PHF19: variants seen among roughly 807,000 people sequenced by gnomAD.
PHF19 encodes polycomb like 3.
PHF19 carries 21 observed loss-of-function variants against 79.8 expected under a neutral mutation model. The ratio of observed to expected loss-of-function variants is 0.26; its 90% CI spans 0.19 to 0.38. The LOEUF is 0.38. PHF19 is among the 10% of genes least tolerant of loss of function. The pLI is 1.00. For missense variants in PHF19, 445 were observed against 744.2 expected (o/e 0.60, Z 4.68); for synonymous variants, 273 against 296.3 (o/e 0.92, Z 0.81).
rs1450456582 is a variant in PHF19 at position 120,869,754 on chromosome 9, G to C, written c.465+91C>G. On this transcript the variant is annotated intron_variant, in intron 5 of 14. Coordinates refer to ENST00000373896, the MANE Select transcript of PHF19 (RefSeq NM_015651.3). This position sits in a 1 kb window ranked among gnomAD's most constrained non-coding sequence, Gnocchi z 5.8. ...TCCAAAGCCCAGGTGTGGCCCTTCT[G>C]CTTGGAGCTCAGACTCTGTGATGGG... 7 of 1,590,794 alleles carry C rather than the reference G, an allele frequency of 4.4e-6. No homozygotes were observed. The highest frequency in any genetic ancestry group is 6.0e-6 in the Non-Finnish European group (7 of 1,168,660).
rs1407355523 is a variant in PHF19, at chr9:120,891,135, C to A, written c.42+3653G>T. The stretch of plus-strand genomic sequence containing the variant: ...CCTGCAGGGGTGGGGAGAGATTGAG[C>A]CCCCAGGGCTGGGTTAGGTATCCCT... On this transcript the variant is annotated intron_variant, in intron 1 of 14. Transcript: ENST00000616568. This position sits in a 1 kb window ranked among gnomAD's most constrained non-coding sequence, Gnocchi z 4.3. Among the ~76,000 whole-genome samples, 2 of 152,116 alleles carry A rather than the reference C, an allele frequency of 1.3e-5. No homozygotes were observed. Among genetic ancestry groups the A allele is most frequent in the African/African-American group, 2.4e-5 (1 of 41,414 alleles).
chr9:120,874,508 C>G lies in PHF19; in HGVS notation c.186+48G>C. ...TCTGACAGCCAGGCTGGAACATGAG[C>G]AGAGAGATTCTGAGTCTGAGAACAG... On this transcript the variant is annotated intron_variant, in intron 2 of 14. Transcript: ENST00000373896. This position sits in a 1 kb window ranked among gnomAD's most constrained non-coding sequence, Gnocchi z 4.5. 8.0e-7 allele frequency: 1 copy of G among 1,255,254 alleles called. No homozygotes were observed. 77.8% of individuals were successfully genotyped at this position (1,255,254 alleles called of 1,614,324 possible).
chr9:120,894,861 T>C, exon 1 of PHF19: 1 of 1,183,574 alleles, frequency 8.4e-7, no homozygotes, highest in Middle Eastern at 3.2e-4. Context: ...ATCCGGAGGC[T>C]TTGATGAATG....
the PHF19 span, chr9:120,903,712 C>T: frequency 6.6e-6 from 1 of 152,238 alleles, no homozygotes; most frequent in Non-Finnish European, 1.5e-5. Context: ...GGCAGTATTG[C>T]CCAGGCTTCT....
intron 8 of PHF19, 45 bp downstream of exon 8, chr9:120,865,983 A>G (rs377538253): frequency 2.2e-5 from 35 of 1,571,400 alleles, no homozygotes; most frequent in Middle Eastern, 3.5e-4. Context: ...GGAGGGGAGA[A>G]GCTGGGAGGA....
upstream of PHF19, among the ~76,000 whole-genome samples, chr9:120,881,191 A>G (rs899852971): frequency 1.4e-5 from 2 of 141,172 alleles, no homozygotes; most frequent in African/African-American, 5.3e-5. Flanking sequence ...TCTGTTGCCC[A>G]GGCTGGAGTG....
Position 120,857,716 on chromosome 9 carries a change from G to C in PHF19, c.*228C>G, listed in dbSNP as rs2045391811. The C allele has an allele frequency of 2.0e-6, 1 of 499,888 alleles. No homozygotes were observed. The highest frequency in any genetic ancestry group is 3.5e-5 in the South Asian group (1 of 28,666). The allele number at this position is 499,888 out of a possible 1,614,324, so 31.0% of individuals were successfully genotyped here. ...AGTTTGAGGGGGTGTGGAGTGTGTA[G>C]AGACACAGGCACAGGGGTAACGAGC... On this transcript the variant is annotated 3_prime_UTR_variant, in exon 15 of 15. Coordinates refer to ENST00000373896, the MANE Select transcript of PHF19 (RefSeq NM_015651.3).
At chr9:120,864,949 CAATTAAAAAA>C (rs1200869079) in intron 9 of PHF19, among the ~76,000 whole-genome samples, 1 of 150,488 alleles carries the variant, frequency 6.6e-6, no homozygotes, top group Non-Finnish European at 1.5e-5. Context: ...CGAATATGTA[CAATTAAAAAA>C]AATTAGAAAA....
At position 120,874,837 on chromosome 9, in the gene PHF19, T is replaced by C; in HGVS notation, c.-15-81A>G. The C allele has an allele frequency of 2.4e-6, 2 of 848,578 alleles. No homozygotes were observed. Among genetic ancestry groups the C allele is most frequent in the Non-Finnish European group, 3.8e-6 (2 of 526,152 alleles). 52.6% of individuals were successfully genotyped at this position (848,578 alleles called of 1,614,324 possible). A position where few individuals can be genotyped will look rare whatever the true frequency, so the allele number is the denominator to read the frequency against. On this transcript the variant is annotated intron_variant, in intron 1 of 14. Coordinates refer to ENST00000373896, the MANE Select transcript of PHF19 (RefSeq NM_015651.3). The surrounding 1 kb of genome is among the most constrained non-coding windows in gnomAD (Gnocchi z 4.5). ...TCAGGGGAAGGAAGGAAACCACCATTTCTGTACCCTGTGCTATAAGCCAGA... is the reference window on the plus strand; with the variant it reads ...TCAGGGGAAGGAAGGAAACCACCATCTCTGTACCCTGTGCTATAAGCCAGA...
At chr9:120,880,306 T>C (rs577132135), upstream of PHF19, among the ~76,000 whole-genome samples, 6 of 152,176 alleles carry the variant, frequency 3.9e-5, no homozygotes, top group East Asian at 1.2e-3. Context: ...ACCAGCCTGA[T>C]CAATATGGTG....
At position 120,870,371 on chromosome 9, in the gene PHF19, G is replaced by A; in HGVS notation, c.364+72C>T. 1.1e-6 allele frequency: 1 copy of A among 926,690 alleles called. No individual in the cohort carries two copies. The highest frequency in any genetic ancestry group is 1.8e-6 in the Non-Finnish European group (1 of 567,130). 57.4% of individuals were successfully genotyped at this position (926,690 alleles called of 1,614,324 possible). ...GCTGAGGCCCCAACAGGCTGCAGCA[G>A]TACCCGTCAGGGGCCAGTGCGTGGG... On this transcript the variant is annotated intron_variant, in intron 4 of 14. Coordinates refer to ENST00000373896, the MANE Select transcript of PHF19 (RefSeq NM_015651.3). This position sits in a 1 kb window ranked among gnomAD's most constrained non-coding sequence, Gnocchi z 4.4.
upstream of PHF19, among the ~76,000 whole-genome samples, chr9:120,898,112 A>G (rs1386183702): frequency 6.6e-6 from 1 of 152,242 alleles, no homozygotes; most frequent in East Asian, 1.9e-4. Context: ...GTTTCAAACA[A>G]TCTCTCTAAG....
At chr9:120,894,473 C>T (rs1005142156) in intron 1 of PHF19, among the ~76,000 whole-genome samples, 3 of 152,178 alleles carry the variant, frequency 2.0e-5, no homozygotes, top group African/African-American at 7.2e-5. Flanking sequence ...CTGGCCATCC[C>T]GGAGGTACCT....
In PHF19 at chr9:120,866,905, G is replaced by A. The variant is rs1200708555; in HGVS notation, c.675C>T (p.Thr225=). Reference sequence around the variant, plus strand: ...ACATCATGGGCTCATTGAGGCACTGGGTGCAGGCCTCGTGGAACCACTGCC... The same window carrying A: ...ACATCATGGGCTCATTGAGGCACTGAGTGCAGGCCTCGTGGAACCACTGCC... The part of the protein sequence containing the change: ...RCRQWFHEAC[T]QCLNEPMMFG... Residue 225 remains threonine, a synonymous_variant, in exon 7 of 15, where the codon ACC becomes ACT. Coordinates refer to ENST00000373896, the MANE Select transcript of PHF19 (RefSeq NM_015651.3). The surrounding 1 kb of genome is among the most constrained non-coding windows in gnomAD (Gnocchi z 5.2). The A allele has an allele frequency of 1.2e-6, 2 of 1,611,650 alleles. No homozygotes were observed. Among genetic ancestry groups the A allele is most frequent in the East Asian group, 2.2e-5 (1 of 44,872 alleles).
At chr9:120,864,162 G>T in intron 9 of PHF19, 46 bp from the exon 10 acceptor site, 1 of 1,538,470 alleles carries the variant, frequency 6.5e-7, no homozygotes, top group Non-Finnish European at 9.0e-7. Context: ...GGCATATGGC[G>T]CATGGGGAGG....
chr9:120,874,803 G>T lies in PHF19; in HGVS notation c.-15-47C>A. On this transcript the variant is annotated intron_variant, in intron 1 of 14. Coordinates refer to ENST00000373896, the MANE Select transcript of PHF19 (RefSeq NM_015651.3). The surrounding 1 kb of genome is among the most constrained non-coding windows in gnomAD (Gnocchi z 4.5). ...TTTTGCTTCTTGCTTCCCTGCTTCA[G>T]AAAGCCCATCAGGGGAAGGAAGGAA... 1 of 1,310,932 alleles carries T rather than the reference G, an allele frequency of 7.6e-7. No homozygotes were observed. The allele number at this position is 1,310,932 out of a possible 1,614,324, so 81.2% of individuals were successfully genotyped here.
upstream of PHF19, among the ~76,000 whole-genome samples, chr9:120,896,654 C>T (rs1014514763): frequency 5.9e-5 from 9 of 151,798 alleles, no homozygotes; most frequent in South Asian, 4.2e-4. Flanking sequence ...GGGGTTTCAC[C>T]GTGTTAGCCA....
chr9:120,891,676 G>A lies in PHF19; in HGVS notation c.42+3112C>T, dbSNP rs989011614. Among the ~76,000 whole-genome samples the A allele has an allele frequency of 2.6e-5, 4 of 152,170 alleles. No individual in the cohort carries two copies. The highest frequency in any genetic ancestry group is 2.1e-4 in the South Asian group (1 of 4,828). ...CCACTATATTTGCCATATTTGTTGTGTTGAAAGAAAACTAGTCATCTGTTT... is the reference window on the plus strand; with the variant it reads ...CCACTATATTTGCCATATTTGTTGTATTGAAAGAAAACTAGTCATCTGTTT... On this transcript the variant is annotated intron_variant, in intron 1 of 14. Coordinates refer to the PHF19 transcript ENST00000616568. The surrounding 1 kb of genome is among the most constrained non-coding windows in gnomAD (Gnocchi z 4.3).
Position 120,866,143 on chromosome 9 carries a change from A to C in PHF19, c.711-47T>G. 1 of 1,312,592 alleles carries C rather than the reference A, an allele frequency of 7.6e-7. No homozygotes were observed. The highest frequency in any genetic ancestry group is 1.1e-6 in the Non-Finnish European group (1 of 906,054). The allele number at this position is 1,312,592 out of a possible 1,614,324, so 81.3% of individuals were successfully genotyped here. On this transcript the variant is annotated intron_variant, in intron 7 of 14. Transcript: ENST00000373896. This position sits in a 1 kb window ranked among gnomAD's most constrained non-coding sequence, Gnocchi z 5.2. ...GGCCTATGGTGGGAGGGGCTCTGAC[A>C]CCCCCACCCCAGTCCAGCCCCTTGA...
Sources: allele counts gnomAD v4.1 joint callset (sites outside exome capture counted in the v4.1 genomes callset), GRCh38; gene constraint gnomAD v4.1.1; non-coding constraint Gnocchi (gnomAD v3.1); transcripts MANE v1.5; gene names NCBI Gene and HGNC (gene_info 2026-07-23, HGNC 2026-07-21).